Variants in RAB5C observed in about 807,000 individuals in gnomAD.
RAB5C encodes RAB5C, member RAS oncogene family, also known as ras-related protein Rab-5C.
RAB5C carries 4 observed loss-of-function variants against 25.2 expected under a neutral mutation model. That is an observed-to-expected ratio of 0.16 (90% confidence interval 0.08 to 0.36). The LOEUF (loss-of-function observed/expected upper bound fraction) is 0.36, where lower values mean the gene tolerates loss of function less well. Ranked by LOEUF, RAB5C falls within the 10% of genes least tolerant of loss-of-function variation. The probability of loss-of-function intolerance (pLI) is 1.00; values close to 1 mark genes in which losing one functional copy is unlikely to be tolerated. For missense variants in RAB5C, 199 were observed against 283.8 expected, an observed-to-expected ratio of 0.70 and a Z score of 2.15; for synonymous variants, 100 against 106.4, an observed-to-expected ratio of 0.94 and a Z score of 0.37.
At chr17:42,148,276 A>G (rs1487708845) in intron 1 of RAB5C, among the ~76,000 whole-genome samples, 1 of 151,770 alleles carries the variant, frequency 6.6e-6, no homozygotes, top group Non-Finnish European at 1.5e-5. Flanking sequence ...GTGGTGGTAC[A>G]CACCTGTAAT....
chr17:42,150,934 C>T (rs1351222482), intron 1 of RAB5C, among the ~76,000 whole-genome samples: 1 of 152,176 alleles, frequency 6.6e-6, no homozygotes, highest in African/African-American at 2.4e-5. Flanking sequence ...CAGCACTGGA[C>T]TAGCTCCTTT....
rs955957938 is a variant in RAB5C at position 42,130,171 on chromosome 17, G to A, written c.166+166C>T. 8.7e-6 allele frequency: 8 copies of A among 914,876 alleles called. No individual in the cohort carries two copies. In the African/African-American group the frequency reaches 1.2e-4, roughly 13 times the overall value. 56.7% of individuals were successfully genotyped at this position (914,876 alleles called of 1,614,324 possible). On this transcript the variant is annotated intron_variant, in intron 2 of 5. Transcript: ENST00000346213. ...CGATGCTTGAGGGGACTCTGGCATG[G>A]AGACCAGTTGCTGGGCTCAATTCCA...
chr17:42,142,524 C>T (rs1016139916), intron 1 of RAB5C, among the ~76,000 whole-genome samples: 1 of 152,220 alleles, frequency 6.6e-6, no homozygotes, highest in Non-Finnish European at 1.5e-5. Context: ...TTCATCACCA[C>T]GCTGTCTGAG....
chr17:42,148,030 G>A (rs1329006498), intron 1 of RAB5C, among the ~76,000 whole-genome samples: 2 of 152,104 alleles, frequency 1.3e-5, no homozygotes, highest in African/African-American at 4.8e-5. Context: ...CTCGGGAGGC[G>A]GAGGTTGTGG....
At chr17:42,140,907 C>G (rs2079599576) in intron 1 of RAB5C, among the ~76,000 whole-genome samples, 2 of 152,090 alleles carry the variant, frequency 1.3e-5, no homozygotes, top group African/African-American at 4.8e-5. Flanking sequence ...TAGCTTACCG[C>G]TACCTTGACT....
At chr17:42,137,120 A>G (rs992290540) in intron 1 of RAB5C, among the ~76,000 whole-genome samples, 18 of 152,048 alleles carry the variant, frequency 1.2e-4, no homozygotes, top group African/African-American at 4.1e-4. Flanking sequence ...AGCCTGTCCA[A>G]CCTGGTGAAA....
chr17:42,130,088 A>T, intron 2 of RAB5C: 1 of 511,648 alleles, frequency 2.0e-6, no homozygotes, highest in Non-Finnish European at 3.4e-6. Flanking sequence ...ACACAGATCA[A>T]GAAGGGGCAG....
intron 1 of RAB5C, among the ~76,000 whole-genome samples, chr17:42,149,137 T>C (rs1470129718): frequency 6.6e-6 from 1 of 152,208 alleles, no homozygotes; most frequent in Non-Finnish European, 1.5e-5. Context: ...CAAGCATGAT[T>C]ACCTGGATTT....
At chr17:42,133,249 G>C (rs539227806) in intron 1 of RAB5C, among the ~76,000 whole-genome samples, 10 of 152,278 alleles carry the variant, frequency 6.6e-5, no homozygotes, top group African/African-American at 2.2e-4. Flanking sequence ...CTGTGGCTGG[G>C]GCACTGGAGG....
chr17:42,142,206 T>C (rs1301168442), intron 1 of RAB5C, among the ~76,000 whole-genome samples: 2 of 148,090 alleles, frequency 1.4e-5, no homozygotes, highest in Non-Finnish European at 3.0e-5. Context: ...GCATCTTGGG[T>C]TTTTTTTTGG....
chr17:42,141,283 G>A (rs1016951071), intron 1 of RAB5C, among the ~76,000 whole-genome samples: 4 of 152,210 alleles, frequency 2.6e-5, no homozygotes, highest in African/African-American at 9.6e-5. Flanking sequence ...AGGGGCTGGA[G>A]AACTTGGGGG....
intron 5 of RAB5C, 50 bp from the exon 6 acceptor site, chr17:42,125,948 TC>T: frequency 7.2e-7 from 1 of 1,397,576 alleles, no homozygotes; most frequent in Non-Finnish European, 9.9e-7. Flanking sequence ...CCAATAACTC[TC>T]CCAGTTCCAC....
At chr17:42,133,081 C>A (rs2144070676) in intron 1 of RAB5C, among the ~76,000 whole-genome samples, 1 of 152,316 alleles carries the variant, frequency 6.6e-6, no homozygotes, top group Admixed American at 6.5e-5. Flanking sequence ...GCTCTAGCAA[C>A]AGTCACAGTA....
intron 5 of RAB5C, 40 bp downstream of exon 5, chr17:42,126,715 T>C: frequency 7.3e-7 from 1 of 1,361,590 alleles, no homozygotes; most frequent in Non-Finnish European, 1.0e-6. Flanking sequence ...TGATATGCCC[T>C]TGCTGTGGTG....
At chr17:42,147,675 G>T (rs1023757392) in intron 1 of RAB5C, among the ~76,000 whole-genome samples, 3 of 152,196 alleles carry the variant, frequency 2.0e-5, no homozygotes, top group African/African-American at 7.2e-5. Context: ...CCATTTGTCT[G>T]TGAGCAACTT....
In RAB5C at chr17:42,128,130, C is replaced by T. The variant is rs141259125; in HGVS notation, c.441+131G>A. On this transcript the variant is annotated intron_variant, in intron 4 of 5. Transcript: ENST00000346213. ...CCATGTTAGGCCCATGCCTGAGGCA[C>T]GAGAGGACAGCAGATGGAAGCTTCC... 9,141 of 1,333,722 alleles carry T rather than the reference C, an allele frequency of 6.9e-3. 87 individuals carry two copies. Among genetic ancestry groups the T allele is most frequent in the Middle Eastern group, 0.04 (144 of 3,622 alleles). 82.6% of individuals were successfully genotyped at this position (1,333,722 alleles called of 1,614,324 possible).
chr17:42,148,403 C>CAAAAAAA (rs71228786), intron 1 of RAB5C, among the ~76,000 whole-genome samples: 7 of 57,398 alleles, frequency 1.2e-4, no homozygotes, highest in African/African-American at 2.6e-4. Flanking sequence ...GACTCCATCT[C>CAAAAAAA]AAAAAAAAAA....
At chr17:42,131,562 G>T in intron 1 of RAB5C, 1 of 1,505,042 alleles carries the variant, frequency 6.6e-7, no homozygotes. Flanking sequence ...TCATAGCTCT[G>T]CCACAGTCAG....
intron 1 of RAB5C, among the ~76,000 whole-genome samples, chr17:42,140,335 T>C (rs1055410924): frequency 2.0e-5 from 3 of 151,614 alleles, no homozygotes; most frequent in South Asian, 2.1e-4. Flanking sequence ...AAAAGAGAAA[T>C]AGCAATCCAA....
Sources: allele counts gnomAD v4.1 joint callset (sites outside exome capture counted in the v4.1 genomes callset), GRCh38; gene constraint gnomAD v4.1.1; transcripts MANE v1.5; gene names NCBI Gene and HGNC (gene_info 2026-07-23, HGNC 2026-07-21).